UNC5C: variants seen among roughly 807,000 people sequenced by gnomAD.
The protein encoded by UNC5C is unc-5 netrin receptor C, also known as netrin receptor UNC5C.
A neutral mutation model predicts 99.8 loss-of-function variants in UNC5C; 47 were observed. The ratio of observed to expected loss-of-function variants is 0.47; its 90% CI spans 0.37 to 0.60. The LOEUF is 0.60. Ranked by LOEUF, UNC5C falls within the 20% of genes least tolerant of loss-of-function variation. UNC5C has a pLI of 0.00. For synonymous variants in UNC5C, 487 were observed against 452.2 expected (o/e 1.08, Z -0.98); for missense variants, 1,062 against 1,165.9 (o/e 0.91, Z 1.30).
intron 1 of UNC5C, among the ~76,000 whole-genome samples, chr4:95,347,733 C>T (rs1579345817): frequency 6.6e-6 from 1 of 152,162 alleles, no homozygotes; most frequent in East Asian, 1.9e-4. Flanking sequence ...AGACCCCTAT[C>T]TCTCACCATA....
chr4:95,171,167 C>T (rs1039234804), intron 14 of UNC5C, among the ~76,000 whole-genome samples: 9 of 151,854 alleles, frequency 5.9e-5, no homozygotes, highest in African/African-American at 2.2e-4. Flanking sequence ...ACTATTAAAG[C>T]AATAAAAGAA....
At position 95,386,403 on chromosome 4, in the gene UNC5C, A is replaced by G. The variant is rs563382072; in HGVS notation, c.125-50772T>C. On this transcript the variant is annotated intron_variant, in intron 1 of 15. Transcript: ENST00000453304. ...CCCACAACAACTTTTGAGCCCAGAT[A>G]ATACTTTCTGCATGTATTATGGGCT... 1.6e-4 allele frequency among the ~76,000 whole-genome samples: 24 copies of G among 152,128 alleles called. No individual in the cohort carries two copies. The South Asian group carries it at 4.8e-3, about 30-fold the overall frequency.
At chr4:95,206,972 C>T (rs1196712274) in intron 10 of UNC5C, among the ~76,000 whole-genome samples, 176 bp from the exon 11 acceptor site, 2 of 147,840 alleles carry the variant, frequency 1.4e-5, no homozygotes, top group Non-Finnish European at 3.0e-5. Context: ...GCTCTCTATA[C>T]CAAGACCTTG....
At chr4:95,537,358 A>C (rs1328912209) in intron 1 of UNC5C, among the ~76,000 whole-genome samples, 1 of 152,122 alleles carries the variant, frequency 6.6e-6, no homozygotes, top group African/African-American at 2.4e-5. Context: ...TAATGGTCTG[A>C]TAATAGGGGA....
In UNC5C at chr4:95,313,453, G is replaced by T. The variant is rs183265137; in HGVS notation, c.347-11704C>A. Among the ~76,000 whole-genome samples, 13 of 152,214 alleles carry T rather than the reference G, an allele frequency of 8.5e-5. No individual in the cohort carries two copies. In the East Asian group the frequency reaches 2.3e-3, roughly 27 times the overall value. On this transcript the variant is annotated intron_variant, in intron 2 of 15. Transcript: ENST00000453304. ...AATTATTATTACAAAATGGTTTTCA[G>T]ATCTTCGATCTTACATCAAGTCATT... is the stretch of plus-strand genomic sequence containing the variant.
intron 1 of UNC5C, among the ~76,000 whole-genome samples, chr4:95,473,000 T>A (rs1748021375): frequency 6.6e-6 from 1 of 152,032 alleles, no homozygotes; most frequent in Admixed American, 6.6e-5. Flanking sequence ...AATAAAAAGA[T>A]CACAAATTAG....
Position 95,224,227 on chromosome 4 carries a change from G to A in UNC5C, c.1109-4051C>T, listed in dbSNP as rs139173123. 6.7e-3 allele frequency among the ~76,000 whole-genome samples: 1,016 copies of A among 152,332 alleles called. 13 individuals carry two copies. Among genetic ancestry groups the A allele is most frequent in the African/African-American group, 0.023 (953 of 41,576 alleles). ...GAGACTGGGAGGCGGAGATTGCAGT[G>A]AGCAGAGATTGCGCCACTGCACTCC... On this transcript the variant is annotated intron_variant, in intron 7 of 15. Coordinates refer to ENST00000453304, the MANE Select transcript of UNC5C (RefSeq NM_003728.4).
rs1735730187 is a variant in UNC5C at position 95,162,916 on chromosome 4, G to A, written c.*6318C>T. ...AACTGTTCCAAAGGGGACAGTAGGTGGATGACACTGCCTCTTCAACACGAC... is the reference window on the plus strand; with the variant it reads ...AACTGTTCCAAAGGGGACAGTAGGTAGATGACACTGCCTCTTCAACACGAC... On this transcript the variant is annotated 3_prime_UTR_variant, in exon 16 of 16. Transcript: ENST00000453304. The A allele has an allele frequency of 1.3e-5, 2 of 152,216 alleles. No homozygotes were observed. The highest frequency in any genetic ancestry group is 4.1e-4 in the South Asian group (2 of 4,828). The allele number at this position is 152,216 out of a possible 1,614,324, so 9.4% of individuals were successfully genotyped here.
intron 1 of UNC5C, among the ~76,000 whole-genome samples, chr4:95,350,131 G>A (rs1168670695): frequency 6.6e-6 from 1 of 151,986 alleles, no homozygotes; most frequent in South Asian, 2.1e-4. Context: ...TCACTTTAAC[G>A]TGCTTAATTT....
At chr4:95,176,394 A>G (rs1736345149) in intron 14 of UNC5C, among the ~76,000 whole-genome samples, 1 of 151,318 alleles carries the variant, frequency 6.6e-6, no homozygotes, top group Non-Finnish European at 1.5e-5. Context: ...TTGGTCTTTG[A>G]TGATGGTGAT....
intron 1 of UNC5C, among the ~76,000 whole-genome samples, chr4:95,452,918 T>G (rs996328361): frequency 1.3e-5 from 2 of 152,184 alleles, no homozygotes; most frequent in Non-Finnish European, 2.9e-5. Flanking sequence ...TACTCACTAC[T>G]CTTTGTTGTG....
chr4:95,215,326 C>T (rs1302104843), intron 10 of UNC5C, among the ~76,000 whole-genome samples: 1 of 152,214 alleles, frequency 6.6e-6, no homozygotes, highest in Non-Finnish European at 1.5e-5. Flanking sequence ...TCCATTTTAA[C>T]AACATCTTTC....
Position 95,545,119 on chromosome 4 carries a change from C to A in UNC5C, c.124+3615G>T, listed in dbSNP as rs567277795. ...TAGGGGGGGTTGCTTAAAATAGACC[C>A]ATACAAGTTCTGACTAGGACAACCA... is the stretch of plus-strand genomic sequence containing the variant. On this transcript the variant is annotated intron_variant, in intron 1 of 15. Coordinates refer to ENST00000453304, the MANE Select transcript of UNC5C (RefSeq NM_003728.4). 2.3e-3 allele frequency among the ~76,000 whole-genome samples: 349 copies of A among 152,216 alleles called. 1 individual carries two copies. Among genetic ancestry groups the A allele is most frequent in the Non-Finnish European group, 4.4e-3 (298 of 68,008 alleles).
intron 4 of UNC5C, among the ~76,000 whole-genome samples, chr4:95,268,617 T>C (rs577806988): frequency 6.6e-6 from 1 of 152,238 alleles, no homozygotes; most frequent in Admixed American, 6.5e-5. Context: ...TATTATACTC[T>C]CCTGTGAAAG....
chr4:95,418,793 C>T (rs1332777510), intron 1 of UNC5C, among the ~76,000 whole-genome samples: 1 of 152,158 alleles, frequency 6.6e-6, no homozygotes, highest in Non-Finnish European at 1.5e-5. Flanking sequence ...TAAACAATTA[C>T]AGAGAAGTCC....
intron 2 of UNC5C, among the ~76,000 whole-genome samples, chr4:95,312,344 T>C (rs139622020): frequency 2.1e-3 from 317 of 152,330 alleles, no homozygotes; most frequent in African/African-American, 7.4e-3. Context: ...AACTGGCACA[T>C]AATATTTGTC....
intron 3 of UNC5C, among the ~76,000 whole-genome samples, chr4:95,295,001 C>T (rs968153721): frequency 2.0e-5 from 3 of 152,100 alleles, no homozygotes; most frequent in African/African-American, 7.2e-5. Context: ...TCAATCTGTC[C>T]CTCAGCTTGT....
intron 5 of UNC5C, among the ~76,000 whole-genome samples, chr4:95,247,048 AAT>A (rs1739528173): frequency 1.5e-5 from 2 of 137,918 alleles, no homozygotes; most frequent in African/African-American, 5.1e-5. Context: ...CAAATAAAAA[AAT>A]AAAAAAAAAA....
chr4:95,183,124 G>T, intron 13 of UNC5C, 63 bp from the exon 14 acceptor site: 1 of 1,511,670 alleles, frequency 6.6e-7, no homozygotes, highest in Admixed American at 1.8e-5. Context: ...CTCTCAGATG[G>T]TCTGCTGCCA....
Sources: gnomAD v4.1 joint callset for allele counts (sites outside exome capture counted in the v4.1 genomes callset) on GRCh38, gnomAD v4.1.1 for gene constraint, MANE v1.5 for transcripts, NCBI Gene and HGNC (gene_info 2026-07-23, HGNC 2026-07-21) for gene names.